Variants in APC observed in about 807,000 individuals in gnomAD.
The protein encoded by APC is adenomatous polyposis coli protein.
In APC, 72 loss-of-function variants were observed where a neutral mutation model predicts 247.0. The ratio of observed to expected loss-of-function variants is 0.29; its 90% CI spans 0.24 to 0.35. The LOEUF is 0.35. Ranked by LOEUF, APC falls within the 10% of genes least tolerant of loss-of-function variation. APC has a pLI of 1.00. For synonymous variants in APC, 1,254 were observed against 1,162.5 expected (o/e 1.08, Z -1.60); for missense variants, 3,400 against 3,360.7 (o/e 1.01, Z -0.29).
intron 14 of APC, among the ~76,000 whole-genome samples, chr5:112,831,195 A>T (rs1173042165): frequency 6.6e-6 from 1 of 151,534 alleles, no homozygotes; most frequent in Non-Finnish European, 1.5e-5. Flanking sequence ...TGCAACCTCC[A>T]ACTCCCTGGT....
intron 2 of APC, among the ~76,000 whole-genome samples, chr5:112,762,003 G>A (rs1448166781): frequency 6.6e-6 from 1 of 151,742 alleles, no homozygotes; most frequent in Non-Finnish European, 1.5e-5. Flanking sequence ...GCTCAGTTCA[G>A]AATATATTAA....
intron 8 of APC, among the ~76,000 whole-genome samples, chr5:112,805,859 C>G (rs1761324924): frequency 6.6e-6 from 1 of 152,222 alleles, no homozygotes; most frequent in African/African-American, 2.4e-5. Context: ...CTTCTCTCAC[C>G]TGGTTTCCTG....
chr5:112,781,469 A>G (rs1461575786), intron 6 of APC, among the ~76,000 whole-genome samples: 2 of 152,192 alleles, frequency 1.3e-5, no homozygotes, highest in South Asian at 2.1e-4. Flanking sequence ...ATGACTGACT[A>G]ATGTTTTAAA....
At chr5:112,725,620 G>C (rs1489357163) in intron 1 of APC, among the ~76,000 whole-genome samples, 2 of 151,774 alleles carry the variant, frequency 1.3e-5, no homozygotes, top group Admixed American at 1.3e-4. Context: ...AAATAGCTGG[G>C]CTCAGTAGTG....
At chr5:112,767,429 T>C (rs1580330019) in intron 4 of APC, 39 bp downstream of exon 4, 2 of 1,432,800 alleles carry the variant, frequency 1.4e-6, no homozygotes, top group African/African-American at 1.4e-5. Flanking sequence ...CCTTGTGTAC[T>C]CCAGTTTATT....
At chr5:112,729,859 T>A (rs1013187446) in intron 1 of APC, among the ~76,000 whole-genome samples, 3 of 152,202 alleles carry the variant, frequency 2.0e-5, no homozygotes, top group Admixed American at 6.5e-5. Flanking sequence ...CTAATATATA[T>A]TTAGTATCTT....
intron 1 of APC, among the ~76,000 whole-genome samples, chr5:112,726,962 G>A (rs897587986): frequency 6.6e-6 from 1 of 151,882 alleles, no homozygotes; most frequent in East Asian, 1.9e-4. Context: ...TATTAAATAG[G>A]CATTATGAAC....
At chr5:112,729,657 A>C (rs1751992944) in intron 1 of APC, among the ~76,000 whole-genome samples, 1 of 152,230 alleles carries the variant, frequency 6.6e-6, no homozygotes, top group Non-Finnish European at 1.5e-5. Context: ...GAAGTTTTTA[A>C]GGGCTCATGT....
intron 1 of APC, among the ~76,000 whole-genome samples, chr5:112,710,320 T>C (rs1750777320): frequency 6.6e-6 from 1 of 152,170 alleles, no homozygotes; most frequent in South Asian, 2.1e-4. Flanking sequence ...AATAACTTAA[T>C]CTCTTCCTTT....
chr5:112,721,277 G>C (rs1008036221), intron 1 of APC, among the ~76,000 whole-genome samples: 2 of 152,110 alleles, frequency 1.3e-5, no homozygotes, highest in Admixed American at 6.6e-5. Flanking sequence ...AGCCAGGCAT[G>C]GTGGCGTGTG....
intron 1 of APC, among the ~76,000 whole-genome samples, chr5:112,741,491 C>T (rs1753010186): frequency 1.3e-5 from 2 of 152,118 alleles, no homozygotes; most frequent in Non-Finnish European, 2.9e-5. Context: ...AGCCTTCTCC[C>T]CTTTATTCTC....
intron 1 of APC, chr5:112,738,450 G>A: frequency 1.0e-6 from 1 of 985,908 alleles, no homozygotes; most frequent in Non-Finnish European, 1.2e-6. Flanking sequence ...GAGAGAAAGA[G>A]GAGGAGGCAG....
At chr5:112,736,913 AAAAC>A (rs896895546), upstream of APC, among the ~76,000 whole-genome samples, 9 of 152,224 alleles carry the variant, frequency 5.9e-5, no homozygotes, top group South Asian at 2.1e-4. Flanking sequence ...TCTATCTCAA[AAAAC>A]AAACAAAGAA....
At chr5:112,776,747 A>T (rs752938993) in intron 5 of APC, among the ~76,000 whole-genome samples, 3 of 152,118 alleles carry the variant, frequency 2.0e-5, no homozygotes, top group Admixed American at 2.0e-4. Flanking sequence ...AGGCTGAGGC[A>T]GGAAAAGCAC....
At chr5:112,727,923 T>G (rs1200464886) in intron 1 of APC, among the ~76,000 whole-genome samples, 3 of 151,568 alleles carry the variant, frequency 2.0e-5, no homozygotes, top group Non-Finnish European at 4.4e-5. Flanking sequence ...CAGGCAAGCA[T>G]AAAACCTTGT....
intron 11 of APC, among the ~76,000 whole-genome samples, chr5:112,826,443 G>T (rs1321909037): frequency 6.6e-6 from 1 of 151,616 alleles, no homozygotes; most frequent in African/African-American, 2.4e-5. Flanking sequence ...AGCATTTTCA[G>T]TGGAAAGAAT....
intron 5 of APC, among the ~76,000 whole-genome samples, chr5:112,776,654 A>G (rs1361316036): frequency 2.0e-5 from 3 of 152,154 alleles, no homozygotes; most frequent in Non-Finnish European, 2.9e-5. Context: ...CCTGGTCAAC[A>G]TGGTGAAACT....
intron 1 of APC, among the ~76,000 whole-genome samples, chr5:112,712,715 C>T (rs1202061727): frequency 6.6e-6 from 1 of 152,088 alleles, no homozygotes; most frequent in Admixed American, 6.5e-5. Flanking sequence ...TATTCCTCTT[C>T]CCCCGATTTC....
intron 1 of APC, among the ~76,000 whole-genome samples, chr5:112,753,995 A>G (rs569738399): frequency 6.6e-6 from 1 of 152,312 alleles, no homozygotes; most frequent in South Asian, 2.1e-4. Flanking sequence ...CTAGCATTCT[A>G]TAATTCTTCC....
Sources: gnomAD v4.1 joint callset for allele counts (sites outside exome capture counted in the v4.1 genomes callset) on GRCh38, gnomAD v4.1.1 for gene constraint, MANE v1.5 for transcripts, NCBI Gene and HGNC (gene_info 2026-07-23, HGNC 2026-07-21) for gene names.